Variants in MTMR9 observed in about 807,000 individuals in gnomAD.
MTMR9 encodes the protein myotubularin related protein 9, also known as myotubularin-related protein 9.
In MTMR9, 39 loss-of-function variants were observed where a neutral mutation model predicts 69.5. The ratio of observed to expected loss-of-function variants is 0.56; its 90% CI spans 0.43 to 0.73. The LOEUF is 0.73. MTMR9 is among the 30% of genes least tolerant of loss of function. MTMR9 has a pLI of 0.00. For synonymous variants in MTMR9, 354 were observed against 240.8 expected (o/e 1.47, Z -4.35); for missense variants, 900 against 671.2 (o/e 1.34, Z -3.77).
At chr8:11,310,457 A>C (rs539707047) in intron 6 of MTMR9, among the ~76,000 whole-genome samples, 74 of 152,326 alleles carry the variant, frequency 4.9e-4, no homozygotes, top group African/African-American at 1.7e-3. Context: ...AAATTAGGGA[A>C]ATATATACCT....
At position 11,327,380 on chromosome 8, in the gene MTMR9, T is replaced by A. The variant is rs1409056606; in HGVS notation, c.*4592T>A. ...CTTCTAGAGCCATTCTCTTTAACCG[T>A]CTGCAGGTCTAAGGATTAACTATAT... is the stretch of plus-strand genomic sequence containing the variant. On this transcript the variant is annotated 3_prime_UTR_variant, in exon 10 of 10. Transcript: ENST00000221086. The A allele has an allele frequency of 6.6e-6, 1 of 152,238 alleles. No individual in the cohort carries two copies. Among genetic ancestry groups the A allele is most frequent in the Non-Finnish European group, 1.5e-5 (1 of 68,046 alleles). The allele number at this position is 152,238 out of a possible 1,614,324, so 9.4% of individuals were successfully genotyped here. A position where few individuals can be genotyped will look rare whatever the true frequency, so the allele number is the denominator to read the frequency against.
In MTMR9 at chr8:11,316,797, G is replaced by C. The variant is rs149021500; in HGVS notation, c.1238G>C (p.Cys413Ser). 1.8e-4 allele frequency: 294 copies of C among 1,613,716 alleles called. No individual in the cohort carries two copies. Among genetic ancestry groups the C allele is most frequent in the Non-Finnish European group, 2.4e-4 (285 of 1,179,952 alleles). ...CVWQILRQFP[C>S]SFEFNENFLI... ...TGGCAGATCCTTCGTCAGTTTCCCT[G>C]TTCTTTTGAGTTTAATGAGAATTTC... The change falls in exon 8 of 10, where the codon TGT becomes TCT. Residue 413 changes from cysteine (C) to serine (S), a missense_variant. Physicochemically the swap from Cys to Ser is moderately radical, Grantham distance 112 (BLOSUM62 -1). Transcript: ENST00000221086.
chr8:11,329,433 C>T (rs570337810), downstream of MTMR9, among the ~76,000 whole-genome samples: 1 of 152,234 alleles, frequency 6.6e-6, no homozygotes, highest in African/African-American at 2.4e-5. Context: ...CCTGCCTCAG[C>T]CTGCCGAGTG....
In MTMR9 at chr8:11,319,674, C is replaced by T. The variant is rs564461929; in HGVS notation, c.1335-13C>T. ...AATTAATTACTTTAATGGCAGTGTTCTTTCTTGATCAGATGTAAGTTGAAG... is the reference window on the plus strand; with the variant it reads ...AATTAATTACTTTAATGGCAGTGTTTTTTCTTGATCAGATGTAAGTTGAAG... On this transcript the variant is annotated splice_polypyrimidine_tract_variant and intron_variant, in intron 8 of 9. Transcript: ENST00000221086. The T allele has an allele frequency of 6.2e-7, 1 of 1,612,710 alleles. No individual in the cohort carries two copies. Among genetic ancestry groups the T allele is most frequent in the African/African-American group, 1.3e-5 (1 of 74,872 alleles).
chr8:11,307,291 C>G (rs533263804), intron 5 of MTMR9, among the ~76,000 whole-genome samples: 97 of 152,258 alleles, frequency 6.4e-4, no homozygotes, highest in Non-Finnish European at 1.1e-3. Context: ...AGGCTGGTCT[C>G]GAACTCCTGA....
Position 11,292,704 on chromosome 8 carries a change from C to T in MTMR9, c.183-2490C>T, listed in dbSNP as rs1369368. Among the ~76,000 whole-genome samples, 13 of 151,960 alleles carry T rather than the reference C, an allele frequency of 8.6e-5. No individual in the cohort carries two copies. In the South Asian group the frequency reaches 1.7e-3, roughly 19 times the overall value. On this transcript the variant is annotated intron_variant, in intron 1 of 9. Coordinates refer to ENST00000221086, the MANE Select transcript of MTMR9 (RefSeq NM_015458.4). ...TAATGGATTATTTGCTTTCTTACTGCGTTTTGAGAGTGTATGTTTGTATAT... is the reference window on the plus strand; with the variant it reads ...TAATGGATTATTTGCTTTCTTACTGTGTTTTGAGAGTGTATGTTTGTATAT...
chr8:11,339,449 G>T, the MTMR9 span, among the ~76,000 whole-genome samples: 1 of 152,198 alleles, frequency 6.6e-6, no homozygotes, highest in Non-Finnish European at 1.5e-5. Flanking sequence ...TATAGAACAG[G>T]GATGAGCAAA....
At chr8:11,307,872 G>T (rs933137403) in intron 5 of MTMR9, among the ~76,000 whole-genome samples, 11 of 151,976 alleles carry the variant, frequency 7.2e-5, no homozygotes, top group African/African-American at 2.7e-4. Flanking sequence ...GTCTGTTCAG[G>T]TCTTGCCCAT....
chr8:11,306,130 C>T, intron 4 of MTMR9, 60 bp from the exon 5 acceptor site: 3 of 1,443,596 alleles, frequency 2.1e-6, no homozygotes, highest in Non-Finnish European at 2.9e-6. Context: ...TAATTTCTTT[C>T]TGTTTTCAGA....
chr8:11,300,220 A>G (rs1799704166), intron 3 of MTMR9, 72 bp downstream of exon 3: 2 of 1,537,994 alleles, frequency 1.3e-6, no homozygotes, highest in South Asian at 2.3e-5. Context: ...GAAAATGATC[A>G]CTTCTTTTGA....
chr8:11,312,790 T>C (rs1171039322), intron 6 of MTMR9, among the ~76,000 whole-genome samples: 7 of 152,192 alleles, frequency 4.6e-5, no homozygotes, highest in Admixed American at 3.3e-4. Context: ...AAAATAAAAC[T>C]TGAAAGCTGA....
At chr8:11,328,782 C>T (rs1220116715), downstream of MTMR9, among the ~76,000 whole-genome samples, 1 of 152,182 alleles carries the variant, frequency 6.6e-6, no homozygotes, top group Admixed American at 6.5e-5. Flanking sequence ...TGGTAGATAT[C>T]ACCTTATTTC....
At chr8:11,304,451 A>T (rs1799865574) in intron 3 of MTMR9, among the ~76,000 whole-genome samples, 1 of 152,192 alleles carries the variant, frequency 6.6e-6, no homozygotes, top group Non-Finnish European at 1.5e-5. Flanking sequence ...TGTGCTTAAT[A>T]TATTTAACTT....
intron 2 of MTMR9, among the ~76,000 whole-genome samples, chr8:11,298,166 C>T (rs933992893): frequency 1.8e-4 from 28 of 152,218 alleles, no homozygotes; most frequent in African/African-American, 6.3e-4. Context: ...GTTCTCTCAG[C>T]ATTAATGTGT....
At chr8:11,302,656 G>C (rs1194085044) in intron 3 of MTMR9, among the ~76,000 whole-genome samples, 1 of 152,152 alleles carries the variant, frequency 6.6e-6, no homozygotes, top group Non-Finnish European at 1.5e-5. Flanking sequence ...TTCTCTCTAA[G>C]TTCAAGAATG....
chr8:11,331,617 A>G (rs1801232892), downstream of MTMR9: 1 of 1,612,898 alleles, frequency 6.2e-7, no homozygotes, highest in African/African-American at 1.3e-5. Flanking sequence ...AGGACTAATC[A>G]TCATTCTGGG....
At chr8:11,336,266 C>T in the MTMR9 span, among the ~76,000 whole-genome samples, 1 of 152,212 alleles carries the variant, frequency 6.6e-6, no homozygotes, top group African/African-American at 2.4e-5. Flanking sequence ...TGAGTCTATG[C>T]ATAGCCTCCA....
At chr8:11,338,734 C>T in the MTMR9 span, among the ~76,000 whole-genome samples, 1 of 152,138 alleles carries the variant, frequency 6.6e-6, no homozygotes, top group Non-Finnish European at 1.5e-5. Flanking sequence ...ACATTTTTTG[C>T]TCAGTTTCTA....
chr8:11,309,046 A>G lies in MTMR9; in HGVS notation c.810-481A>G, dbSNP rs565966285. On this transcript the variant is annotated intron_variant, in intron 5 of 9. Coordinates refer to ENST00000221086, the MANE Select transcript of MTMR9 (RefSeq NM_015458.4). ...TATTTTCGCACAGTTTCCTCCACCT[A>G]TTGTCTCTTGTTTGTACTGTAAAAG... Among the ~76,000 whole-genome samples the G allele has an allele frequency of 1.9e-4, 29 of 152,122 alleles. No homozygotes were observed. In the South Asian group the frequency reaches 5.4e-3, roughly 28 times the overall value.
Sources: allele counts gnomAD v4.1 joint callset (sites outside exome capture counted in the v4.1 genomes callset), GRCh38; gene constraint gnomAD v4.1.1; transcripts MANE v1.5; gene names NCBI Gene and HGNC (gene_info 2026-07-23, HGNC 2026-07-21).